EDA: variants seen among roughly 807,000 people sequenced by gnomAD.
EDA encodes ectodysplasin A.
Under a neutral mutation model 23.6 loss-of-function variants are expected in EDA, and 2 were observed. The observed-to-expected ratio is 0.08, with a 90% CI of 0.03 to 0.27. EDA has a LOEUF of 0.27. Ranked by LOEUF, EDA falls within the 10% of genes least tolerant of loss-of-function variation. The pLI is 1.00. For missense variants in EDA, 229 were observed against 324.2 expected (o/e 0.71, Z 2.26); for synonymous variants, 131 against 132.0 (o/e 0.99, Z 0.05).
intron 1 of EDA, among the ~76,000 whole-genome samples, chrX:69,924,440 C>T (rs966378949): frequency 3.1e-5 from 2 of 65,214 alleles, no homozygotes; most frequent in Non-Finnish European, 6.6e-5. Flanking sequence ...TCAGGCTTGT[C>T]GACAATCAGA....
chrX:69,728,882 A>T (rs2012911512), intron 1 of EDA, among the ~76,000 whole-genome samples: 2 of 111,747 alleles, frequency 1.8e-5, no homozygotes, highest in African/African-American at 6.5e-5. Context: ...TGTATCTATT[A>T]TTCTTTTCTT....
At chrX:69,937,814 A>G in intron 1 of EDA, 11 of 1,192,676 alleles carry the variant, frequency 9.2e-6, no homozygotes, top group South Asian at 1.8e-5. Context: ...ACAAGTCTAC[A>G]TTACACCGCA....
intron 2 of EDA, chrX:69,957,552 C>G (rs756514992): frequency 6.8e-6 from 1 of 148,065 alleles, no homozygotes; most frequent in Non-Finnish European, 1.3e-5. Context: ...CTGTCCACCA[C>G]AGACCCAAGG....
chrX:70,032,276 AAAG>A lies in EDA; in HGVS notation c.794-1112_794-1110del, dbSNP rs1485315003. On this transcript the variant is annotated intron_variant, in intron 6 of 7. Transcript: ENST00000374552. ...ACAGTCCATCTCAGAAAAAAAAAAA[AAAG>A]AAGAAGAAGTGATGGGGTCAGGGGT... 1.7e-3 allele frequency among the ~76,000 whole-genome samples: 186 copies of A among 107,892 alleles called. 2 individuals are homozygous for A. Among genetic ancestry groups the A allele is most frequent in the Non-Finnish European group, 1.6e-3 (85 of 52,069 alleles). 93.7% of individuals were successfully genotyped at this position (107,892 alleles called of 115,157 possible).
intron 1 of EDA, among the ~76,000 whole-genome samples, chrX:69,703,416 G>A (rs897863444): frequency 5.4e-5 from 6 of 111,902 alleles, no homozygotes; most frequent in Non-Finnish European, 1.1e-4. Flanking sequence ...GACATACACC[G>A]GAGCCCCTCC....
chrX:69,812,187 C>T (rs1275944840), intron 1 of EDA, among the ~76,000 whole-genome samples: 1 of 111,985 alleles, frequency 8.9e-6, no homozygotes, highest in Admixed American at 9.4e-5. Context: ...CAGATTTATT[C>T]TTCTTAAATT....
intron 1 of EDA, among the ~76,000 whole-genome samples, chrX:69,945,204 G>A (rs747389693): frequency 1.8e-5 from 2 of 111,999 alleles, no homozygotes; most frequent in East Asian, 5.6e-4. Flanking sequence ...TCAATTTGAT[G>A]TTCCTGCAAG....
At chrX:69,788,884 C>A (rs768405149) in intron 1 of EDA, among the ~76,000 whole-genome samples, 21 of 112,910 alleles carry the variant, frequency 1.9e-4, no homozygotes, top group Non-Finnish European at 9.4e-5. Flanking sequence ...GGCGCCCCTC[C>A]CCCAGCCTCG....
At chrX:69,885,626 A>G (rs774037771) in intron 1 of EDA, among the ~76,000 whole-genome samples, 3 of 112,048 alleles carry the variant, frequency 2.7e-5, no homozygotes, top group Non-Finnish European at 5.6e-5. Flanking sequence ...CCATCCACAG[A>G]CAAAATTGTC....
At chrX:69,822,433 GC>G (rs890832677) in intron 1 of EDA, among the ~76,000 whole-genome samples, 7 of 111,451 alleles carry the variant, frequency 6.3e-5, no homozygotes, top group Non-Finnish European at 1.1e-4. Context: ...TGAACTGGAA[GC>G]CCCAAACAGT....
rs1208046191 is a variant in EDA, at chrX:69,787,359, G to A, written c.397-169668G>A. ...ATGATGTTAGCTGGTTATTTTGCTC[G>A]TTAGTTGATGCAGTTTCTTCCTAGT... On this transcript the variant is annotated intron_variant, in intron 1 of 7. Coordinates refer to ENST00000374552, the MANE Select transcript of EDA (RefSeq NM_001399.5). Among the ~76,000 whole-genome samples, 88 of 101,615 alleles carry A rather than the reference G, an allele frequency of 8.7e-4. 1 individual carries two copies. The highest frequency in any genetic ancestry group is 1.8e-3 in the East Asian group (6 of 3,401). The allele number at this position is 101,615 out of a possible 115,157, so 88.2% of individuals were successfully genotyped here.
intron 1 of EDA, among the ~76,000 whole-genome samples, chrX:69,804,543 T>C (rs1046853173): frequency 1.2e-4 from 13 of 110,807 alleles, no homozygotes; most frequent in South Asian, 3.8e-4. Flanking sequence ...GTTTAAACTA[T>C]ATTGGTAGTG....
At chrX:69,756,084 G>A (rs1353374459) in intron 1 of EDA, among the ~76,000 whole-genome samples, 2 of 112,076 alleles carry the variant, frequency 1.8e-5, no homozygotes, top group Admixed American at 9.4e-5. Flanking sequence ...GAGATGAAGC[G>A]GGTACCTCAG....
chrX:70,022,653 G>A (rs2020052254), intron 2 of EDA, among the ~76,000 whole-genome samples: 1 of 111,478 alleles, frequency 9.0e-6, no homozygotes, highest in Admixed American at 9.6e-5. Flanking sequence ...CTTTTAAAGT[G>A]TCCATTAACT....
chrX:69,631,898 G>A (rs1405479671), intron 1 of EDA, among the ~76,000 whole-genome samples: 2 of 111,391 alleles, frequency 1.8e-5, no homozygotes, highest in Non-Finnish European at 3.8e-5. Flanking sequence ...GCAAAGACTT[G>A]GAAATAGTAG....
chrX:70,021,384 C>CA (rs2020031917), intron 2 of EDA, among the ~76,000 whole-genome samples: 1 of 111,776 alleles, frequency 8.9e-6, no homozygotes, highest in Non-Finnish European at 1.9e-5. Context: ...GCAGGGTAGC[C>CA]ATAATGGCTG....
intron 1 of EDA, among the ~76,000 whole-genome samples, chrX:69,876,503 C>A (rs1312788441): frequency 9.0e-6 from 1 of 111,195 alleles, no homozygotes; most frequent in Non-Finnish European, 1.9e-5. Context: ...AGAGTTTGGG[C>A]AAATACATAC....
intron 1 of EDA, among the ~76,000 whole-genome samples, chrX:69,731,800 A>G (rs753096182): frequency 1.1e-4 from 12 of 111,880 alleles, no homozygotes; most frequent in Non-Finnish European, 2.1e-4. Context: ...CAGCTGTTGA[A>G]TAGCGGTGGT....
At chrX:69,752,803 G>A (rs1463883352) in intron 1 of EDA, among the ~76,000 whole-genome samples, 2 of 111,760 alleles carry the variant, frequency 1.8e-5, no homozygotes, top group African/African-American at 6.5e-5. Context: ...GTTTAGTCTT[G>A]GGAGGGTGTA....
Sources: allele counts gnomAD v4.1 joint callset (sites outside exome capture counted in the v4.1 genomes callset), GRCh38; gene constraint gnomAD v4.1.1; transcripts MANE v1.5; gene names NCBI Gene and HGNC (gene_info 2026-07-23, HGNC 2026-07-21).